Variants in C1orf105 observed in about 807,000 individuals in gnomAD.
C1orf105 encodes chromosome 1 open reading frame 105.
A neutral mutation model predicts 20.8 loss-of-function variants in C1orf105; 17 were observed. The ratio of observed to expected loss-of-function variants is 0.82; its 90% confidence interval spans 0.56 to 1.23. C1orf105 has a LOEUF of 1.23. C1orf105 is among the 50% of genes most tolerant of loss of function. The probability of loss-of-function intolerance (pLI) is 0.00; values close to 1 mark genes in which losing one functional copy is unlikely to be tolerated. For missense variants in C1orf105, 219 were observed against 213.5 expected, an observed-to-expected ratio of 1.03 and a Z score of -0.16; for synonymous variants, 72 against 72.1, an observed-to-expected ratio of 1.00 and a Z score of 0.01.
At chr1:172,424,585 T>A (rs1359349610) in intron 1 of C1orf105, among the ~76,000 whole-genome samples, 1 of 152,114 alleles carries the variant, frequency 6.6e-6, no homozygotes, top group African/African-American at 2.4e-5. Context: ...GAGATGGGGT[T>A]TCACAATGTT....
intron 6 of C1orf105, 62 bp from the exon 7 acceptor site, chr1:172,468,387 C>A (rs1650213431): frequency 7.6e-7 from 1 of 1,317,824 alleles, no homozygotes; most frequent in Non-Finnish European, 1.0e-6. Flanking sequence ...TTATTTTGAG[C>A]TTCTTTAAGA....
At chr1:172,448,074 A>G (rs1376313192) in intron 2 of C1orf105, among the ~76,000 whole-genome samples, 1 of 152,256 alleles carries the variant, frequency 6.6e-6, no homozygotes, top group Non-Finnish European at 1.5e-5. Flanking sequence ...AAGTCAGCCC[A>G]GGTACGAAAG....
chr1:172,442,093 A>G lies in C1orf105; in HGVS notation c.22-2980A>G, dbSNP rs372409223. ...AGCAAAGATGGCCATGTTCAAGGAT[A>G]GTGTGCTGGATACAATGGCAGCATT... is the stretch of plus-strand genomic sequence containing the variant. On this transcript the variant is annotated intron_variant, in intron 1 of 6. Transcript: ENST00000367727. 16 of 1,614,228 alleles carry G rather than the reference A, an allele frequency of 9.9e-6. No individual in the cohort carries two copies. Among genetic ancestry groups the G allele is most frequent in the Admixed American group, 5.0e-5 (3 of 60,026 alleles).
rs769176161 is a variant in C1orf105, at chr1:172,462,247, T to G, written c.341+2T>G. On this transcript the variant is annotated splice_donor_variant, in intron 5 of 6. Coordinates refer to ENST00000367727, the MANE Select transcript of C1orf105 (RefSeq NM_139240.4). LOFTEE classifies it high-confidence loss of function. ...CTTTGAGAATTGTATGAGTTATAGG[T>G]AAGTCAACAATTTAAATCAGGACAT... 11 of 1,596,300 alleles carry G rather than the reference T, an allele frequency of 6.9e-6. No individual in the cohort carries two copies. The African/African-American group carries it at 1.5e-4, about 21-fold the overall frequency.
intron 1 of C1orf105, among the ~76,000 whole-genome samples, chr1:172,439,186 CTT>C (rs1251861775): frequency 6.6e-6 from 1 of 152,074 alleles, no homozygotes; most frequent in Non-Finnish European, 1.5e-5. Context: ...GGTATACACA[CTT>C]TGTGTGTGTG....
At chr1:172,434,879 A>C (rs2071988516) in intron 1 of C1orf105, among the ~76,000 whole-genome samples, 1 of 152,230 alleles carries the variant, frequency 6.6e-6, no homozygotes, top group South Asian at 2.1e-4. Context: ...AAAAGAGAAG[A>C]ATCAAATAGA....
At chr1:172,441,772 T>A in intron 1 of C1orf105, 2 of 1,591,350 alleles carry the variant, frequency 1.3e-6, no homozygotes, top group Non-Finnish European at 8.6e-7. Flanking sequence ...TTCAGCTTCA[T>A]CCCAAGGCCC....
At chr1:172,427,315 T>C (rs904525942) in intron 1 of C1orf105, among the ~76,000 whole-genome samples, 1 of 152,230 alleles carries the variant, frequency 6.6e-6, no homozygotes, top group Non-Finnish European at 1.5e-5. Context: ...AAGCCAGGCT[T>C]TGCACTTGTG....
intron 5 of C1orf105, among the ~76,000 whole-genome samples, chr1:172,463,171 T>A (rs560036518): frequency 1.3e-5 from 2 of 152,322 alleles, no homozygotes; most frequent in Admixed American, 6.5e-5. Context: ...AAACATGGAC[T>A]CATTCTAAAC....
chr1:172,443,899 C>T, intron 1 of C1orf105: 1 of 946,354 alleles, frequency 1.1e-6, no homozygotes, highest in Non-Finnish European at 1.3e-6. Flanking sequence ...CCACTTCCGC[C>T]GCCGCCCCTC....
chr1:172,452,356 G>T (rs1648747110), intron 3 of C1orf105, among the ~76,000 whole-genome samples: 1 of 152,180 alleles, frequency 6.6e-6, no homozygotes, highest in Non-Finnish European at 1.5e-5. Context: ...GTCTCTCTCA[G>T]TTAAGTTACA....
chr1:172,425,175 AG>A (rs1214981995), intron 1 of C1orf105, among the ~76,000 whole-genome samples: 1 of 152,168 alleles, frequency 6.6e-6, no homozygotes, highest in Non-Finnish European at 1.5e-5. Flanking sequence ...GTGGCAGAAA[AG>A]GCCATTTGTC....
chr1:172,461,622 T>G (rs888731891), intron 4 of C1orf105, among the ~76,000 whole-genome samples: 8 of 152,202 alleles, frequency 5.3e-5, no homozygotes, highest in African/African-American at 1.9e-4. Context: ...CCTTTAAAAT[T>G]TCCAGTGTGC....
At chr1:172,452,867 A>C in intron 3 of C1orf105, 1 of 1,445,664 alleles carries the variant, frequency 6.9e-7, no homozygotes, top group Non-Finnish European at 9.1e-7. Context: ...AGACCTGATA[A>C]AACCAGAGCA....
At chr1:172,448,288 C>T (rs767336086) in intron 2 of C1orf105, among the ~76,000 whole-genome samples, 153 bp from the exon 3 acceptor site, 3 of 152,204 alleles carry the variant, frequency 2.0e-5, no homozygotes, top group Admixed American at 1.3e-4. Context: ...GCAAATCCAT[C>T]TTTTGGGAGC....
intron 5 of C1orf105, 56 bp downstream of exon 5, chr1:172,462,301 C>G: frequency 7.8e-7 from 1 of 1,289,186 alleles, no homozygotes; most frequent in South Asian, 1.3e-5. Context: ...TCTGAGGACA[C>G]AGGAGAGTGG....
chr1:172,440,625 T>G (rs1165616065), intron 1 of C1orf105, among the ~76,000 whole-genome samples: 1 of 152,150 alleles, frequency 6.6e-6, no homozygotes, highest in Non-Finnish European at 1.5e-5. Context: ...CAACCTCCCA[T>G]TCTGACTTTT....
At chr1:172,442,952 T>C (rs1647490242) in intron 1 of C1orf105, 1 of 238,096 alleles carries the variant, frequency 4.2e-6, no homozygotes, top group Non-Finnish European at 8.9e-6. Context: ...AGTCACCTTA[T>C]GGGACATTAA....
intron 1 of C1orf105, among the ~76,000 whole-genome samples, chr1:172,440,173 T>C (rs1040764467): frequency 6.6e-6 from 1 of 152,238 alleles, no homozygotes; most frequent in Non-Finnish European, 1.5e-5. Context: ...TTTTGGAATA[T>C]GACTCCCTTA....
Sources: allele counts gnomAD v4.1 joint callset (sites outside exome capture counted in the v4.1 genomes callset), GRCh38; gene constraint gnomAD v4.1.1; transcripts MANE v1.5; gene names NCBI Gene and HGNC (gene_info 2026-07-23, HGNC 2026-07-21).